The following PPARA variants were observed in gnomAD, a reference collection of about 807,000 sequenced individuals.
PPARA encodes the protein peroxisome proliferator activated receptor alpha, also known as peroxisome proliferator-activated receptor alpha.
A neutral mutation model predicts 42.2 loss-of-function variants in PPARA; 22 were observed. The observed-to-expected ratio is 0.52, with a 90% confidence interval of 0.37 to 0.74. The LOEUF (loss-of-function observed/expected upper bound fraction) is 0.74. Ranked by LOEUF, PPARA falls within the 30% of genes least tolerant of loss-of-function variation. The pLI is 0.00. For missense variants in PPARA, 465 were observed against 608.2 expected (o/e 0.76, Z 2.48); for synonymous variants, 242 against 239.3 (o/e 1.01, Z -0.10).
chr22:46,212,901 C>T lies in PPARA; in HGVS notation c.209-2272C>T, dbSNP rs1171659643. Reference sequence around the variant, plus strand: ...ATCCCAGCTACTTGGAAGGCTGAGGCAGGAGAATCACTTGAACCTGGAGGC... The same window carrying T: ...ATCCCAGCTACTTGGAAGGCTGAGGTAGGAGAATCACTTGAACCTGGAGGC... On this transcript the variant is annotated intron_variant, in intron 4 of 8. Transcript: ENST00000407236. This position sits in a 1 kb window ranked among gnomAD's most constrained non-coding sequence, Gnocchi z 4.2. Among the ~76,000 whole-genome samples the T allele has an allele frequency of 2.0e-5, 3 of 152,150 alleles. No homozygotes were observed. The highest frequency in any genetic ancestry group is 2.0e-4 in the Admixed American group (3 of 15,266).
At chr22:46,201,551 C>T (rs760596645) in intron 4 of PPARA, among the ~76,000 whole-genome samples, 5 of 152,272 alleles carry the variant, frequency 3.3e-5, no homozygotes, top group East Asian at 1.9e-4. Context: ...CTTGAGTGGC[C>T]TGGGTAGGTT....
rs1363036413 is a variant in PPARA at position 46,180,660 on chromosome 22, A to G, written c.-43+3824A>G. Among the ~76,000 whole-genome samples, 1 of 152,140 alleles carries G rather than the reference A, an allele frequency of 6.6e-6. No homozygotes were observed. Among genetic ancestry groups the G allele is most frequent in the Non-Finnish European group, 1.5e-5 (1 of 68,030 alleles). On this transcript the variant is annotated intron_variant, in intron 3 of 8. Coordinates refer to ENST00000407236, the MANE Select transcript of PPARA (RefSeq NM_005036.6). The surrounding 1 kb of genome is among the most constrained non-coding windows in gnomAD (Gnocchi z 4.2). ...CCTGCCTCACATATTTCCTGCCTCA[A>G]GATGCGTAAAAGGTACTTGCCTTCT...
Position 46,236,401 on chromosome 22 carries a change from C to A in PPARA, c.*1021C>A, listed in dbSNP as rs1471561645. The A allele has an allele frequency of 4.6e-5, 7 of 152,656 alleles. No individual in the cohort carries two copies. The highest frequency in any genetic ancestry group is 5.9e-5 in the Non-Finnish European group (4 of 68,046). The allele number at this position is 152,656 out of a possible 1,614,324, so 9.5% of individuals were successfully genotyped here. A position where few individuals can be genotyped will look rare whatever the true frequency, so the allele number is the denominator to read the frequency against. The stretch of plus-strand genomic sequence containing the variant: ...GAGCCCAGAAAACAGAGTCTCAAGA[C>A]CCCCGCTCTGGACTGTCATAAGCTA... On this transcript the variant is annotated 3_prime_UTR_variant, in exon 9 of 9. Transcript: ENST00000407236. The surrounding 1 kb of genome is among the most constrained non-coding windows in gnomAD (Gnocchi z 5.2).
rs954739624 is a variant in PPARA at position 46,193,650 on chromosome 22, G to A, written c.-42-4692G>A. Among the ~76,000 whole-genome samples the A allele has an allele frequency of 2.0e-5, 3 of 152,044 alleles. No individual in the cohort carries two copies. The highest frequency in any genetic ancestry group is 4.4e-5 in the Non-Finnish European group (3 of 67,998). On this transcript the variant is annotated intron_variant, in intron 3 of 8. Coordinates refer to ENST00000407236, the MANE Select transcript of PPARA (RefSeq NM_005036.6). This position sits in a 1 kb window ranked among gnomAD's most constrained non-coding sequence, Gnocchi z 5.3. ...GAAAGAAAATTATGAATTTAGAAAT[G>A]TAAAAGGTCTCAGGTAAGGAAGGAA... is the stretch of plus-strand genomic sequence containing the variant.
At chr22:46,157,133 C>CT (rs1925421092) in intron 2 of PPARA, among the ~76,000 whole-genome samples, 1 of 152,224 alleles carries the variant, frequency 6.6e-6, no homozygotes, top group Admixed American at 6.5e-5. Flanking sequence ...CTCGCTGAGT[C>CT]TAACTCCTTG....
Position 46,235,417 on chromosome 22 carries a change from T to G in PPARA, c.*37T>G. On this transcript the variant is annotated 3_prime_UTR_variant, in exon 9 of 9. Transcript: ENST00000407236. This position sits in a 1 kb window ranked among gnomAD's most constrained non-coding sequence, Gnocchi z 7.0. ...TCAGCCACACCTTTTCCAGGAGTTCTGAAGCTGACAGCACTACAAAGGAGA... is the reference window on the plus strand; with the variant it reads ...TCAGCCACACCTTTTCCAGGAGTTCGGAAGCTGACAGCACTACAAAGGAGA... 1 of 1,609,004 alleles carries G rather than the reference T, an allele frequency of 6.2e-7. No homozygotes were observed. Among genetic ancestry groups the G allele is most frequent in the Non-Finnish European group, 8.5e-7 (1 of 1,178,360 alleles).
chr22:46,215,752 GAAAGAAAA>G (rs1934425528), intron 5 of PPARA, among the ~76,000 whole-genome samples: 1 of 146,454 alleles, frequency 6.8e-6, no homozygotes, highest in African/African-American at 2.6e-5. Context: ...TAAAAAAAAA[GAAAGAAAA>G]AAAGAAAAAG....
At chr22:46,223,559 C>A (rs1365300627) in intron 7 of PPARA, among the ~76,000 whole-genome samples, 1 of 150,898 alleles carries the variant, frequency 6.6e-6, no homozygotes, top group Non-Finnish European at 1.5e-5. Flanking sequence ...AGGAGAATTG[C>A]TTGAACCTGG....
rs1932990758 is a variant in PPARA, at chr22:46,203,892, A to G, written c.208+5301A>G. 6.6e-6 allele frequency among the ~76,000 whole-genome samples: 1 copy of G among 152,252 alleles called. No homozygotes were observed. The highest frequency in any genetic ancestry group is 1.5e-5 in the Non-Finnish European group (1 of 68,042). ...CACCTGAGGTAAACACTTGTGGGGC[A>G]GGTTGCAGATTCTCTGGGGACGCCC... On this transcript the variant is annotated intron_variant, in intron 4 of 8. Transcript: ENST00000407236. This position sits in a 1 kb window ranked among gnomAD's most constrained non-coding sequence, Gnocchi z 5.8.
chr22:46,235,391 A>G lies in PPARA; in HGVS notation c.*11A>G, dbSNP rs900858037. On this transcript the variant is annotated 3_prime_UTR_variant, in exon 9 of 9. Transcript: ENST00000407236. The surrounding 1 kb of genome is among the most constrained non-coding windows in gnomAD (Gnocchi z 7.0). ...AGGGACATGTACTGAGTTCCTTCAG[A>G]TCAGCCACACCTTTTCCAGGAGTTC... 1.9e-6 allele frequency: 3 copies of G among 1,612,826 alleles called. No homozygotes were observed. Among genetic ancestry groups the G allele is most frequent in the African/African-American group, 2.7e-5 (2 of 74,900 alleles).
At position 46,182,247 on chromosome 22, in the gene PPARA, G is replaced by A. The variant is rs373302011; in HGVS notation, c.-43+5411G>A. 5.3e-5 allele frequency among the ~76,000 whole-genome samples: 8 copies of A among 152,330 alleles called. No homozygotes were observed. In the South Asian group the frequency reaches 1.7e-3, roughly 32 times the overall value. On this transcript the variant is annotated intron_variant, in intron 3 of 8. Transcript: ENST00000407236. This position sits in a 1 kb window ranked among gnomAD's most constrained non-coding sequence, Gnocchi z 5.2. The stretch of plus-strand genomic sequence containing the variant: ...AAAGAAAGCATATATTCCATACAGA[G>A]TCTAGTCCTGAATGTCTATAGCTGC...
At position 46,232,971 on chromosome 22, in the gene PPARA, G is replaced by T. The variant is rs1935980698; in HGVS notation, c.1159+732G>T. Among the ~76,000 whole-genome samples the T allele has an allele frequency of 8.5e-6, 1 of 117,142 alleles. No individual in the cohort carries two copies. Among genetic ancestry groups the T allele is most frequent in the Admixed American group, 9.5e-5 (1 of 10,476 alleles). 76.8% of individuals were successfully genotyped at this position (117,142 alleles called of 152,430 possible). On this transcript the variant is annotated intron_variant, in intron 8 of 8. Transcript: ENST00000407236. This position sits in a 1 kb window ranked among gnomAD's most constrained non-coding sequence, Gnocchi z 5.3. Reference sequence around the variant, plus strand: ...CACTCCAGCCTGGGCGACGAAGAATGACCCTGTCTCAAAAAAAAAAAAAAA... The same window carrying T: ...CACTCCAGCCTGGGCGACGAAGAATTACCCTGTCTCAAAAAAAAAAAAAAA...
rs190231870 is a variant in PPARA at position 46,188,174 on chromosome 22, T to G, written c.-42-10168T>G. ...CCACCTGGCTGAGCTCAGCCCAATT[T>G]GCTGACCCATAGAATTGTGAACAAA... On this transcript the variant is annotated intron_variant, in intron 3 of 8. Coordinates refer to ENST00000407236, the MANE Select transcript of PPARA (RefSeq NM_005036.6). This position sits in a 1 kb window ranked among gnomAD's most constrained non-coding sequence, Gnocchi z 5.0. 2.0e-5 allele frequency among the ~76,000 whole-genome samples: 3 copies of G among 152,342 alleles called. No homozygotes were observed. In the East Asian group the frequency reaches 5.8e-4, roughly 29 times the overall value.
At chr22:46,174,203 AG>A (rs1928582351) in intron 2 of PPARA, among the ~76,000 whole-genome samples, 1 of 147,628 alleles carries the variant, frequency 6.8e-6, no homozygotes, top group African/African-American at 2.6e-5. Context: ...AGAGAGAGAG[AG>A]AGAGAGAGAG....
In PPARA at chr22:46,221,826, A is replaced by G. The variant is rs1365627625; in HGVS notation, c.711+1812A>G. On this transcript the variant is annotated intron_variant, in intron 7 of 8. Coordinates refer to ENST00000407236, the MANE Select transcript of PPARA (RefSeq NM_005036.6). This position sits in a 1 kb window ranked among gnomAD's most constrained non-coding sequence, Gnocchi z 5.9. ...CGCGGTGGCTCATGTCTGTAATCCC[A>G]GCACTTTGGGAGGCTGAGGTGGGTG... Among the ~76,000 whole-genome samples the G allele has an allele frequency of 6.6e-6, 1 of 152,114 alleles. No homozygotes were observed. The highest frequency in any genetic ancestry group is 1.5e-5 in the Non-Finnish European group (1 of 68,014).
intron 2 of PPARA, among the ~76,000 whole-genome samples, chr22:46,174,377 G>C (rs1928684395): frequency 6.6e-6 from 1 of 151,946 alleles, no homozygotes; most frequent in Admixed American, 6.6e-5. Flanking sequence ...TTCTATAAGT[G>C]AAAGTACTTC....
rs4253771 is a variant in PPARA at position 46,231,343 on chromosome 22, C to A, written c.712-449C>A. Among the ~76,000 whole-genome samples, 11,382 of 152,134 alleles carry A rather than the reference C, an allele frequency of 0.075. 573 individuals are homozygous for A. The highest frequency in any genetic ancestry group is 0.11 in the Non-Finnish European group (7,569 of 67,978). ...ACGCCATTCTCCTGCCTCAGCCTCC[C>A]GAGTAGCTGGGACTACAGGCGCCCG... On this transcript the variant is annotated intron_variant, in intron 7 of 8. Transcript: ENST00000407236. The surrounding 1 kb of genome is among the most constrained non-coding windows in gnomAD (Gnocchi z 7.7).
intron 2 of PPARA, among the ~76,000 whole-genome samples, chr22:46,168,351 C>CAAAAAAAAAAAA (rs35345592): frequency 9.0e-4 from 13 of 14,382 alleles, no homozygotes; most frequent in East Asian, 3.9e-3. Flanking sequence ...GACTCCATCT[C>CAAAAAAAAAAAA]AAAAAAAAAA....
chr22:46,188,286 C>T lies in PPARA; in HGVS notation c.-42-10056C>T, dbSNP rs1194788005. Among the ~76,000 whole-genome samples, 1 of 152,214 alleles carries T rather than the reference C, an allele frequency of 6.6e-6. No individual in the cohort carries two copies. The highest frequency in any genetic ancestry group is 2.4e-5 in the African/African-American group (1 of 41,456). ...GATACAACTCTTGGAGCCAGTTGTTCAGCCATTCTCAACCACTTATTCAAT... is the reference window on the plus strand; with the variant it reads ...GATACAACTCTTGGAGCCAGTTGTTTAGCCATTCTCAACCACTTATTCAAT... On this transcript the variant is annotated intron_variant, in intron 3 of 8. Transcript: ENST00000407236. The surrounding 1 kb of genome is among the most constrained non-coding windows in gnomAD (Gnocchi z 5.0).
Sources: gnomAD v4.1 joint callset for allele counts (sites outside exome capture counted in the v4.1 genomes callset) on GRCh38, gnomAD v4.1.1 for gene constraint, Gnocchi (gnomAD v3.1) non-coding constraint, MANE v1.5 for transcripts, NCBI Gene and HGNC (gene_info 2026-07-23, HGNC 2026-07-21) for gene names.